The following POU2F1 variants were observed in gnomAD, a reference collection of about 807,000 sequenced individuals.
POU2F1 encodes the protein POU domain, class 2, transcription factor 1.
In POU2F1, 16 loss-of-function variants were observed where a neutral mutation model predicts 84.9. The ratio of observed to expected loss-of-function variants is 0.19; its 90% CI spans 0.13 to 0.29. POU2F1 has a LOEUF of 0.29. Among genes scored for constraint, POU2F1 ranks in the 10% least tolerant of loss-of-function variants. The pLI is 1.00. For synonymous variants in POU2F1, 368 were observed against 368.3 expected, an observed-to-expected ratio of 1.00 and a Z score of 0.01; for missense variants, 738 against 942.6, an observed-to-expected ratio of 0.78 and a Z score of 2.84.
rs975064151 is a variant in POU2F1, at chr1:167,419,259, T to C, written c.*3449T>C. 1 of 152,210 alleles carries C rather than the reference T, an allele frequency of 6.6e-6. No individual in the cohort carries two copies. The highest frequency in any genetic ancestry group is 1.5e-5 in the Non-Finnish European group (1 of 68,024). The allele number at this position is 152,210 out of a possible 1,614,324, so 9.4% of individuals were successfully genotyped here. A position where few individuals can be genotyped will look rare whatever the true frequency, so the allele number is the denominator to read the frequency against. ...GGACCATTTGACCAAAAGAGGTGTT[T>C]GGTGGAGTTTCTGCATTTCAAAGAA... On this transcript the variant is annotated 3_prime_UTR_variant, in exon 16 of 16. Coordinates refer to ENST00000367866, the MANE Select transcript of POU2F1 (RefSeq NM_002697.4).
At chr1:167,221,074 G>T (rs1285756441) in intron 1 of POU2F1, 116 bp downstream of exon 1, 3 of 956,330 alleles carry the variant, frequency 3.1e-6, no homozygotes, top group Non-Finnish European at 4.7e-6. Flanking sequence ...TTAACGGCGG[G>T]GAGATGGGGG....
At chr1:167,274,368 C>G (rs1652576404) in intron 1 of POU2F1, among the ~76,000 whole-genome samples, 1 of 152,146 alleles carries the variant, frequency 6.6e-6, no homozygotes, top group South Asian at 2.1e-4. Flanking sequence ...AAACTAGTAA[C>G]AGAAATTCAC....
intron 1 of POU2F1, among the ~76,000 whole-genome samples, chr1:167,326,690 T>C (rs1656729612): frequency 6.6e-6 from 1 of 152,124 alleles, no homozygotes; most frequent in Non-Finnish European, 1.5e-5. Flanking sequence ...TGGTAAACTA[T>C]AGCCTCCCTG....
intron 1 of POU2F1, among the ~76,000 whole-genome samples, chr1:167,311,271 T>C (rs1003657101): frequency 3.3e-5 from 5 of 152,032 alleles, no homozygotes; most frequent in Non-Finnish European, 7.4e-5. Context: ...GGAAAAACAA[T>C]TCCAGGGATA....
intron 15 of POU2F1, among the ~76,000 whole-genome samples, 178 bp downstream of exon 15, chr1:167,413,292 G>A (rs1272108417): frequency 1.3e-5 from 2 of 152,086 alleles, no homozygotes; most frequent in South Asian, 2.1e-4. Flanking sequence ...AAATGTCCTC[G>A]TAAAAAAGCT....
chr1:167,329,412 G>A lies in POU2F1; in HGVS notation c.62-3058G>A, dbSNP rs1042728786. 4 of 1,349,372 alleles carry A rather than the reference G, an allele frequency of 3.0e-6. No homozygotes were observed. In the Admixed American group the frequency reaches 6.4e-5, roughly 21 times the overall value. The allele number at this position is 1,349,372 out of a possible 1,614,324, so 83.6% of individuals were successfully genotyped here. On this transcript the variant is annotated intron_variant, in intron 1 of 15. Coordinates refer to ENST00000367866, the MANE Select transcript of POU2F1 (RefSeq NM_002697.4). ...ATCGCATATGCAGCCTGTGGCGGGG[G>A]AGGGGGAGAGTTGGACTGAGCAGGG...
chr1:167,242,380 A>G (rs1571149401), intron 1 of POU2F1, among the ~76,000 whole-genome samples: 1 of 152,216 alleles, frequency 6.6e-6, no homozygotes, highest in East Asian at 1.9e-4. Context: ...TTATAGACAC[A>G]TAGAAGGACC....
intron 1 of POU2F1, among the ~76,000 whole-genome samples, chr1:167,324,908 C>G (rs920936588): frequency 6.6e-6 from 1 of 152,106 alleles, no homozygotes; most frequent in Non-Finnish European, 1.5e-5. Flanking sequence ...CTGAGAGCCC[C>G]ATAATGCAAC....
chr1:167,358,350 G>T (rs372833100), intron 2 of POU2F1, among the ~76,000 whole-genome samples: 1 of 151,684 alleles, frequency 6.6e-6, no homozygotes, highest in Admixed American at 6.6e-5. Context: ...AAACTGGCTT[G>T]TATTTATATT....
chr1:167,311,161 A>G (rs889489851), intron 1 of POU2F1, among the ~76,000 whole-genome samples: 24 of 152,184 alleles, frequency 1.6e-4, no homozygotes, highest in African/African-American at 5.8e-4. Flanking sequence ...AAAATTTCAC[A>G]AAACAAAAAA....
At chr1:167,311,841 C>T (rs903881481) in intron 1 of POU2F1, among the ~76,000 whole-genome samples, 6 of 150,742 alleles carry the variant, frequency 4.0e-5, no homozygotes, top group Admixed American at 6.6e-5. Context: ...CTTGCTCTGT[C>T]GCCTAGGCTG....
intron 1 of POU2F1, among the ~76,000 whole-genome samples, chr1:167,328,516 T>G (rs1161970569): frequency 6.6e-6 from 1 of 152,194 alleles, no homozygotes; most frequent in African/African-American, 2.4e-5. Context: ...CAAATCCTCT[T>G]ATTACTGAAG....
At chr1:167,342,680 G>T (rs1181084613) in intron 2 of POU2F1, among the ~76,000 whole-genome samples, 2 of 152,148 alleles carry the variant, frequency 1.3e-5, no homozygotes, top group African/African-American at 2.4e-5. Flanking sequence ...TATAGTTCTT[G>T]TTAAACCAGA....
At chr1:167,273,777 G>A (rs1652537004) in intron 1 of POU2F1, among the ~76,000 whole-genome samples, 1 of 152,216 alleles carries the variant, frequency 6.6e-6, no homozygotes, top group Non-Finnish European at 1.5e-5. Flanking sequence ...GTAGTGTATG[G>A]ACAAGAACTT....
chr1:167,424,771 T>TCCCTGCCA lies in POU2F1; in HGVS notation c.*8969_*8976dup. On this transcript the variant is annotated 3_prime_UTR_variant, in exon 16 of 16. Coordinates refer to ENST00000367866, the MANE Select transcript of POU2F1 (RefSeq NM_002697.4). Reference sequence around the variant, plus strand: ...TTCACAGGTCTCTTAACATCTGCTTTCCCTGCCACCCTGCCTTTAGGGGCT... The same window carrying TCCCTGCCA: ...TTCACAGGTCTCTTAACATCTGCTTTCCCTGCCACCCTGCCACCCTGCCTTTAGGGGCT... 1 of 152,362 alleles carries TCCCTGCCA rather than the reference T, an allele frequency of 6.6e-6. No homozygotes were observed. Among genetic ancestry groups the TCCCTGCCA allele is most frequent in the African/African-American group, 2.4e-5 (1 of 41,568 alleles). The allele number at this position is 152,362 out of a possible 1,614,324, so 9.4% of individuals were successfully genotyped here. A position where few individuals can be genotyped will look rare whatever the true frequency, so the allele number is the denominator to read the frequency against.
chr1:167,415,406 A>G, intron 15 of POU2F1, 94 bp from the exon 16 acceptor site: 2 of 1,385,268 alleles, frequency 1.4e-6, no homozygotes, highest in Non-Finnish European at 2.0e-6. Flanking sequence ...GGTGGGTTGT[A>G]GGAAAATGAT....
At chr1:167,411,358 A>G (rs779842445) in intron 13 of POU2F1, among the ~76,000 whole-genome samples, 1 of 151,570 alleles carries the variant, frequency 6.6e-6, no homozygotes, top group Non-Finnish European at 1.5e-5. Flanking sequence ...AATTTCTTAG[A>G]TCTTAATTTT....
At chr1:167,342,417 C>T (rs1171667718) in intron 2 of POU2F1, among the ~76,000 whole-genome samples, 1 of 152,072 alleles carries the variant, frequency 6.6e-6, no homozygotes, top group Admixed American at 6.5e-5. Context: ...GTTATTAATT[C>T]TTTGGGATTT....
chr1:167,299,163 CAAAAA>C (rs71073663), intron 1 of POU2F1, among the ~76,000 whole-genome samples: 11 of 96,850 alleles, frequency 1.1e-4, no homozygotes, highest in Admixed American at 2.3e-4. Context: ...AACGCCATCT[CAAAAA>C]AAAAAAAAAA....
Sources: gnomAD v4.1 joint callset for allele counts (sites outside exome capture counted in the v4.1 genomes callset) on GRCh38, gnomAD v4.1.1 for gene constraint, MANE v1.5 for transcripts, NCBI Gene and HGNC (gene_info 2026-07-23, HGNC 2026-07-21) for gene names.